The following ADARB1 variants were observed in gnomAD, a reference collection of about 807,000 sequenced individuals.
ADARB1 encodes the protein double-stranded RNA-specific editase 1.
Under a neutral mutation model 52.4 loss-of-function variants are expected in ADARB1, and 10 were observed. The observed-to-expected ratio is 0.19, with a 90% CI of 0.12 to 0.32. The LOEUF is 0.32. Ranked by LOEUF, ADARB1 falls within the 10% of genes least tolerant of loss-of-function variation. ADARB1 has a pLI of 1.00. For synonymous variants in ADARB1, 349 were observed against 371.1 expected, an observed-to-expected ratio of 0.94 and a Z score of 0.68; for missense variants, 643 against 922.3, an observed-to-expected ratio of 0.70 and a Z score of 3.92.
chr21:45,082,214 A>G (rs1384940599), intron 1 of ADARB1, among the ~76,000 whole-genome samples: 2 of 152,212 alleles, frequency 1.3e-5, no homozygotes, highest in East Asian at 3.9e-4. Context: ...AGCAGTTGTC[A>G]TCTAATATGT....
At chr21:45,121,035 T>C (rs1569030056) in intron 1 of ADARB1, 3 of 152,360 alleles carry the variant, frequency 2.0e-5, no homozygotes, top group Admixed American at 2.0e-4. Context: ...AATTTTGTTA[T>C]GATTTTTGTG....
chr21:45,204,805 G>GA lies in ADARB1; in HGVS notation c.1747+76dup, dbSNP rs999603225. Reference sequence around the variant, plus strand: ...TTGCAATGTTTTCATCCTCATGAATGAAAAAAACACCACCTGAGCTGCTCT... The same window carrying GA: ...TTGCAATGTTTTCATCCTCATGAATGAAAAAAAACACCACCTGAGCTGCTCT... On this transcript the variant is annotated intron_variant, in intron 9 of 10. Coordinates refer to ENST00000348831, the MANE Select transcript of ADARB1 (RefSeq NM_001112.4). This position sits in a 1 kb window ranked among gnomAD's most constrained non-coding sequence, Gnocchi z 4.4. The GA allele has an allele frequency of 1.7e-5, 26 of 1,511,936 alleles. No individual in the cohort carries two copies. The highest frequency in any genetic ancestry group is 2.1e-5 in the Non-Finnish European group (23 of 1,109,622). 93.7% of individuals were successfully genotyped at this position (1,511,936 alleles called of 1,614,324 possible).
chr21:45,222,808 T>C lies in ADARB1; in HGVS notation c.*611T>C. 2.0e-6 allele frequency: 2 copies of C among 985,534 alleles called. No homozygotes were observed. Among genetic ancestry groups the C allele is most frequent in the Non-Finnish European group, 2.4e-6 (2 of 830,036 alleles). The allele number at this position is 985,534 out of a possible 1,614,324, so 61.0% of individuals were successfully genotyped here. The stretch of plus-strand genomic sequence containing the variant: ...ACACTAGGTTGTAACAGTCTCTCCC[T>C]GAGGAGCAGACTCCCAGCATGGTGT... On this transcript the variant is annotated 3_prime_UTR_variant, in exon 11 of 11. Coordinates refer to ENST00000348831, the MANE Select transcript of ADARB1 (RefSeq NM_001112.4).
In ADARB1 at chr21:45,176,811, G is replaced by T; in HGVS notation, c.963+147G>T. On this transcript the variant is annotated intron_variant, in intron 4 of 10. Coordinates refer to ENST00000348831, the MANE Select transcript of ADARB1 (RefSeq NM_001112.4). The surrounding 1 kb of genome is among the most constrained non-coding windows in gnomAD (Gnocchi z 5.8). ...GGAGGAGTTACTGGTAAGTCTGGCTGCTTGATTTCCATGGCCATGTGGCCA... is the reference window on the plus strand; with the variant it reads ...GGAGGAGTTACTGGTAAGTCTGGCTTCTTGATTTCCATGGCCATGTGGCCA... 1 of 982,062 alleles carries T rather than the reference G, an allele frequency of 1.0e-6. No individual in the cohort carries two copies. The highest frequency in any genetic ancestry group is 1.8e-5 in the South Asian group (1 of 56,898). 60.8% of individuals were successfully genotyped at this position (982,062 alleles called of 1,614,324 possible).
intron 1 of ADARB1, among the ~76,000 whole-genome samples, chr21:45,108,543 T>G (rs2087361406): frequency 1.3e-5 from 2 of 152,320 alleles, no homozygotes; most frequent in Middle Eastern, 3.4e-3. Flanking sequence ...TACCAAATTC[T>G]TATGCACCTG....
intron 1 of ADARB1, among the ~76,000 whole-genome samples, chr21:45,080,815 G>A (rs918275089): frequency 6.6e-6 from 1 of 152,096 alleles, no homozygotes; most frequent in Non-Finnish European, 1.5e-5. Context: ...CATTTAAGAC[G>A]ACTCCCTCAC....
chr21:45,169,443 GT>G (rs2091393481), intron 2 of ADARB1, among the ~76,000 whole-genome samples: 1 of 152,138 alleles, frequency 6.6e-6, no homozygotes, highest in African/African-American at 2.4e-5. Context: ...TGTGTGTTTT[GT>G]TTCTGCCAAT....
Position 45,077,493 on chromosome 21 carries a change from G to T in ADARB1, c.-220+2700G>T, listed in dbSNP as rs547698392. On this transcript the variant is annotated intron_variant, in intron 1 of 10. Transcript: ENST00000348831. ...ATCCTTGCTAACACGGTGAAAACCCGTCTCTACTAAAAAAATATAAAAAAT... is the reference window on the plus strand; with the variant it reads ...ATCCTTGCTAACACGGTGAAAACCCTTCTCTACTAAAAAAATATAAAAAAT... Among the ~76,000 whole-genome samples, 63 of 152,020 alleles carry T rather than the reference G, an allele frequency of 4.1e-4. 1 individual carries two copies. The South Asian group carries it at 0.013, about 32-fold the overall frequency.
At chr21:45,099,632 C>G (rs967396001) in intron 1 of ADARB1, among the ~76,000 whole-genome samples, 1 of 152,050 alleles carries the variant, frequency 6.6e-6, no homozygotes, top group African/African-American at 2.4e-5. Context: ...GAGCGAGACT[C>G]TGTCTCAAAA....
intron 8 of ADARB1, among the ~76,000 whole-genome samples, chr21:45,194,051 A>G (rs1253559442): frequency 6.6e-6 from 1 of 152,242 alleles, no homozygotes; most frequent in Non-Finnish European, 1.5e-5. Context: ...ACAAAGTAAA[A>G]GGCTAATACT....
At chr21:45,174,181 G>A (rs983720279) in intron 3 of ADARB1, among the ~76,000 whole-genome samples, 4 of 152,162 alleles carry the variant, frequency 2.6e-5, no homozygotes, top group Non-Finnish European at 5.9e-5. Context: ...TGGGGCACTC[G>A]TAAATTGGTT....
At chr21:45,193,570 C>G (rs1390663538) in intron 8 of ADARB1, among the ~76,000 whole-genome samples, 2 of 152,060 alleles carry the variant, frequency 1.3e-5, no homozygotes. Flanking sequence ...TCAGTGGTAT[C>G]CATATTGAAA....
intron 1 of ADARB1, among the ~76,000 whole-genome samples, chr21:45,095,969 C>T (rs957993318): frequency 6.6e-6 from 1 of 152,216 alleles, no homozygotes; most frequent in African/African-American, 2.4e-5. Flanking sequence ...TCTCAAATTC[C>T]AGACCAGTTG....
intron 3 of ADARB1, among the ~76,000 whole-genome samples, chr21:45,175,524 C>G (rs1330864326): frequency 6.6e-6 from 1 of 152,186 alleles, no homozygotes; most frequent in African/African-American, 2.4e-5. Flanking sequence ...GTATTAGTCA[C>G]TAAGCAAAGT....
chr21:45,117,472 A>G (rs1405777985), intron 1 of ADARB1, among the ~76,000 whole-genome samples: 1 of 152,052 alleles, frequency 6.6e-6, no homozygotes, highest in Non-Finnish European at 1.5e-5. Flanking sequence ...TTCTGTGCAC[A>G]TCTCTCTATA....
intron 1 of ADARB1, among the ~76,000 whole-genome samples, chr21:45,111,858 G>A (rs2087553798): frequency 6.6e-6 from 1 of 152,230 alleles, no homozygotes; most frequent in African/African-American, 2.4e-5. Flanking sequence ...TGGTAAAGAA[G>A]CACAGGTGTT....
Position 45,176,359 on chromosome 21 carries a change from C to A in ADARB1, c.658C>A (p.Pro220Thr). The A allele has an allele frequency of 6.2e-7, 1 of 1,614,154 alleles. No individual in the cohort carries two copies. Among genetic ancestry groups the A allele is most frequent in the East Asian group, 2.2e-5 (1 of 44,872 alleles). The change falls in exon 4 of 11, where the codon CCT becomes ACT. Residue 220 changes from proline (P) to threonine (T), a missense_variant. Transcript: ENST00000348831. This position sits in a 1 kb window ranked among gnomAD's most constrained non-coding sequence, Gnocchi z 5.8. ...CCCGGTGCCTGCCAGCCTAGCCCAG[C>A]CTCCTCTCCCTGTCTTACCACCATT... ...ASPVPASLAQ[P>T]PLPVLPPFPP...
At chr21:45,085,056 CTGCCGGA>C (rs376853430) in intron 1 of ADARB1, among the ~76,000 whole-genome samples, 24 of 152,328 alleles carry the variant, frequency 1.6e-4, no homozygotes, top group Non-Finnish European at 2.1e-4. Context: ...TGAGCCTGGG[CTGCCGGA>C]TGCCGCTGGT....
At chr21:45,217,496 A>G (rs1324511740) in intron 9 of ADARB1, among the ~76,000 whole-genome samples, 1 of 152,138 alleles carries the variant, frequency 6.6e-6, no homozygotes, top group East Asian at 1.9e-4. Flanking sequence ...TCGTTTTTCC[A>G]TTCCCAACCT....
Sources: gnomAD v4.1 joint callset for allele counts (sites outside exome capture counted in the v4.1 genomes callset) on GRCh38, gnomAD v4.1.1 for gene constraint, Gnocchi (gnomAD v3.1) non-coding constraint, MANE v1.5 for transcripts, NCBI Gene and HGNC (gene_info 2026-07-23, HGNC 2026-07-21) for gene names.